The following ATP8A2 variants were observed in gnomAD, a reference collection of about 807,000 sequenced individuals.
ATP8A2 encodes phospholipid-transporting ATPase IB.
ATP8A2 carries 100 observed loss-of-function variants against 165.6 expected under a neutral mutation model. The observed-to-expected ratio is 0.60, with a 90% CI of 0.51 to 0.71. The LOEUF (loss-of-function observed/expected upper bound fraction) is 0.71, where lower values mean the gene tolerates loss of function less well. Among genes scored for constraint, ATP8A2 ranks in the 30% least tolerant of loss-of-function variants. The pLI, the probability that ATP8A2 is intolerant of heterozygous loss-of-function variation, is 0.00. For synonymous variants in ATP8A2, 543 were observed against 548.8 expected (o/e 0.99, Z 0.15); for missense variants, 1,227 against 1,479.5 (o/e 0.83, Z 2.80).
intron 33 of ATP8A2, among the ~76,000 whole-genome samples, chr13:25,922,216 G>A (rs1954481231): frequency 6.6e-6 from 1 of 152,152 alleles, no homozygotes. Flanking sequence ...AATCTCTGTG[G>A]TCAGTTTATT....
chr13:25,707,404 A>G (rs1566065764), intron 25 of ATP8A2, among the ~76,000 whole-genome samples: 1 of 152,230 alleles, frequency 6.6e-6, no homozygotes, highest in Non-Finnish European at 1.5e-5. Context: ...TAAAAGTTAT[A>G]TATCATCACT....
intron 25 of ATP8A2, among the ~76,000 whole-genome samples, chr13:25,757,355 A>G (rs2044285042): frequency 1.3e-5 from 2 of 152,158 alleles, no homozygotes; most frequent in South Asian, 2.1e-4. Context: ...CCTAGCATGC[A>G]CTTGCCACTG....
intron 20 of ATP8A2, among the ~76,000 whole-genome samples, chr13:25,578,035 A>G (rs1465361762): frequency 3.9e-5 from 6 of 152,186 alleles, no homozygotes; most frequent in African/African-American, 1.2e-4. Context: ...CTCATATGAT[A>G]TATTTTTGAA....
chr13:25,683,160 T>C (rs555073083), intron 24 of ATP8A2, among the ~76,000 whole-genome samples: 23 of 142,068 alleles, frequency 1.6e-4, no homozygotes, highest in African/African-American at 7.2e-4. Flanking sequence ...TAATGGTGTA[T>C]AGGATGAAAT....
At chr13:25,764,674 A>G (rs2044454367) in intron 25 of ATP8A2, among the ~76,000 whole-genome samples, 1 of 152,214 alleles carries the variant, frequency 6.6e-6, no homozygotes, top group Non-Finnish European at 1.5e-5. Flanking sequence ...AAACTCATTG[A>G]TCTAGGACAG....
chr13:25,477,535 T>C lies in ATP8A2; in HGVS notation c.221+8414T>C, dbSNP rs750483764. On this transcript the variant is annotated intron_variant, in intron 2 of 36. Transcript: ENST00000381655. ...TGGATTAGCATTGTGCCAGTGTTACTTTCGTAGTTTTGACAATTGTGCTAT... is the reference window on the plus strand; with the variant it reads ...TGGATTAGCATTGTGCCAGTGTTACCTTCGTAGTTTTGACAATTGTGCTAT... 5.9e-5 allele frequency among the ~76,000 whole-genome samples: 9 copies of C among 152,222 alleles called. 1 individual carries two copies. Among genetic ancestry groups the C allele is most frequent in the Admixed American group, 2.0e-4 (3 of 15,288 alleles).
At chr13:25,824,280 C>T in intron 27 of ATP8A2, among the ~76,000 whole-genome samples, 1 of 152,148 alleles carries the variant, frequency 6.6e-6, no homozygotes, top group East Asian at 1.9e-4. Context: ...CTAGCAGTGT[C>T]AATTCTGGCT....
intron 25 of ATP8A2, chr13:25,705,447 C>T (rs143104193): frequency 1.4e-3 from 228 of 162,476 alleles, no homozygotes; most frequent in Non-Finnish European, 2.5e-3. Flanking sequence ...GAAAACACCG[C>T]GGCAGGGATT....
chr13:25,863,427 G>A (rs1952412353), intron 33 of ATP8A2: 1 of 152,198 alleles, frequency 6.6e-6, no homozygotes, highest in South Asian at 2.1e-4. Context: ...TGTTTTCAAG[G>A]GTGTGCACTG....
chr13:25,736,335 A>G (rs2043768063), intron 25 of ATP8A2, among the ~76,000 whole-genome samples: 1 of 152,206 alleles, frequency 6.6e-6, no homozygotes, highest in Non-Finnish European at 1.5e-5. Context: ...GGAAGATTGA[A>G]CTTACTTTGT....
chr13:25,657,014 C>A (rs1047969065), intron 24 of ATP8A2, among the ~76,000 whole-genome samples: 1 of 140,884 alleles, frequency 7.1e-6, no homozygotes, highest in Admixed American at 7.3e-5. Flanking sequence ...GATTGCACCA[C>A]TGCACTCTAG....
In ATP8A2 at chr13:25,491,955, C is replaced by T. The variant is rs1160642156; in HGVS notation, c.221+22834C>T. ...CAAAGGATCAAAATTCAAGTTGTTA[C>T]ATAGATATAAAAACCATTGAATAAA... On this transcript the variant is annotated intron_variant, in intron 2 of 36. Transcript: ENST00000381655. Among the ~76,000 whole-genome samples, 7 of 152,300 alleles carry T rather than the reference C, an allele frequency of 4.6e-5. No individual in the cohort carries two copies. In the South Asian group the frequency reaches 1.2e-3, roughly 27 times the overall value.
chr13:25,674,478 T>C (rs1413152431), intron 24 of ATP8A2, among the ~76,000 whole-genome samples: 1 of 152,220 alleles, frequency 6.6e-6, no homozygotes, highest in Non-Finnish European at 1.5e-5. Context: ...GGCTTTTATG[T>C]CTCTGATGCC....
At chr13:25,851,915 T>C (rs9511955) in intron 30 of ATP8A2, among the ~76,000 whole-genome samples, 20,251 of 152,142 alleles carry the variant, frequency 0.13, 1,604 homozygotes, top group Non-Finnish European at 0.18. Context: ...TGCAGTGGCA[T>C]GATCATAACC....
At chr13:25,878,826 C>CA (rs1305851252) in intron 33 of ATP8A2, among the ~76,000 whole-genome samples, 1 of 152,152 alleles carries the variant, frequency 6.6e-6, no homozygotes, top group Non-Finnish European at 1.5e-5. Context: ...TGTCTCCACT[C>CA]ACGTCCATCA....
intron 28 of ATP8A2, among the ~76,000 whole-genome samples, chr13:25,833,070 C>T (rs1006835747): frequency 2.0e-5 from 3 of 146,780 alleles, no homozygotes; most frequent in Non-Finnish European, 3.0e-5. Context: ...TAGCAATAAA[C>T]AGCTTTTTTT....
intron 28 of ATP8A2, among the ~76,000 whole-genome samples, chr13:25,830,680 T>C (rs944864019): frequency 9.2e-5 from 14 of 152,206 alleles, no homozygotes; most frequent in African/African-American, 2.9e-4. Flanking sequence ...AGAACTACTA[T>C]TTACCCTTCA....
chr13:25,676,914 C>T (rs561413669), intron 24 of ATP8A2, among the ~76,000 whole-genome samples: 2 of 152,276 alleles, frequency 1.3e-5, no homozygotes, highest in South Asian at 2.1e-4. Context: ...TAGTCTTGCT[C>T]TTTTGAAGGG....
rs535517377 is a variant in ATP8A2, at chr13:25,774,368, A to G, written c.2569-481A>G. Among the ~76,000 whole-genome samples, 16 of 152,204 alleles carry G rather than the reference A, an allele frequency of 1.1e-4. No individual in the cohort carries two copies. In the South Asian group the frequency reaches 3.1e-3, roughly 30 times the overall value. ...AGTGGGAGCTGAACAATGAGAACACATGGACACAGGGAGGGGAACACCACA... is the reference window on the plus strand; with the variant it reads ...AGTGGGAGCTGAACAATGAGAACACGTGGACACAGGGAGGGGAACACCACA... On this transcript the variant is annotated intron_variant, in intron 26 of 36. Transcript: ENST00000381655.
Sources: allele counts gnomAD v4.1 joint callset (sites outside exome capture counted in the v4.1 genomes callset), GRCh38; gene constraint gnomAD v4.1.1; transcripts MANE v1.5; gene names NCBI Gene and HGNC (gene_info 2026-07-23, HGNC 2026-07-21).